Variants in CSMD1 observed in about 807,000 individuals in gnomAD.
The protein encoded by CSMD1 is CUB and sushi domain-containing protein 1.
CSMD1 carries 213 observed loss-of-function variants against 417.5 expected under a neutral mutation model. The observed-to-expected ratio is 0.51, with a 90% CI of 0.46 to 0.57. The LOEUF is 0.57. Among genes scored for constraint, CSMD1 ranks in the 20% least tolerant of loss-of-function variants. The probability of loss-of-function intolerance (pLI) is 0.00; values close to 1 mark genes in which losing one functional copy is unlikely to be tolerated. For synonymous variants in CSMD1, 2,862 were observed against 1,736.8 expected (o/e 1.65, Z -16.11); for missense variants, 6,923 against 4,529.7 (o/e 1.53, Z -15.17).
intron 3 of CSMD1, among the ~76,000 whole-genome samples, chr8:4,197,751 T>C (rs1366281954): frequency 2.0e-5 from 3 of 152,074 alleles, no homozygotes; most frequent in Non-Finnish European, 4.4e-5. Flanking sequence ...TGGTGGTGCG[T>C]TCTTGTAATC....
At chr8:4,279,110 G>A (rs144535018) in intron 3 of CSMD1, among the ~76,000 whole-genome samples, 73 of 152,012 alleles carry the variant, frequency 4.8e-4, no homozygotes, top group African/African-American at 1.6e-3. Context: ...AACACCAACC[G>A]TATTAGCAAA....
chr8:4,749,790 C>T (rs997368835), intron 1 of CSMD1, among the ~76,000 whole-genome samples: 1 of 151,896 alleles, frequency 6.6e-6, no homozygotes, highest in Non-Finnish European at 1.5e-5. Context: ...AAGTCTGGGC[C>T]TGTATGACAC....
intron 1 of CSMD1, among the ~76,000 whole-genome samples, chr8:4,926,141 C>T (rs181254815): frequency 2.8e-4 from 43 of 152,128 alleles, no homozygotes; most frequent in African/African-American, 9.9e-4. Flanking sequence ...CATGAGGCTG[C>T]CATATCATAA....
intron 7 of CSMD1, among the ~76,000 whole-genome samples, chr8:3,618,593 T>A (rs1802260641): frequency 6.6e-6 from 1 of 152,108 alleles, no homozygotes; most frequent in Admixed American, 6.6e-5. Context: ...TCCAGCAAGT[T>A]TGGTGATAGC....
At chr8:3,024,139 G>A (rs1376948109) in intron 51 of CSMD1, among the ~76,000 whole-genome samples, 2 of 152,160 alleles carry the variant, frequency 1.3e-5, no homozygotes, top group Non-Finnish European at 1.5e-5. Flanking sequence ...TGTGGTGTGT[G>A]TGTGTGTGTA....
At chr8:4,183,044 T>C (rs1477341854) in intron 3 of CSMD1, among the ~76,000 whole-genome samples, 1 of 152,166 alleles carries the variant, frequency 6.6e-6, no homozygotes, top group Non-Finnish European at 1.5e-5. Flanking sequence ...CGTGATTGTG[T>C]TATATGCACA....
chr8:3,382,317 G>T (rs968727030), intron 18 of CSMD1, among the ~76,000 whole-genome samples: 2 of 146,744 alleles, frequency 1.4e-5, no homozygotes, highest in African/African-American at 2.5e-5. Flanking sequence ...TTGGGTTAGG[G>T]TTATTTATAT....
At position 3,983,019 on chromosome 8, in the gene CSMD1, C is replaced by T. The variant is rs540493126; in HGVS notation, c.818+14884G>A. Among the ~76,000 whole-genome samples, 119 of 152,172 alleles carry T rather than the reference C, an allele frequency of 7.8e-4. 1 individual carries two copies. In the Middle Eastern group the frequency reaches 0.01, roughly 13 times the overall value. On this transcript the variant is annotated intron_variant, in intron 5 of 69. Transcript: ENST00000635120. Reference sequence around the variant, plus strand: ...TAGTTAGTAGCCCAAGACAGCACAGCGGGATAAATCATGGGGCCGGGATCC... The same window carrying T: ...TAGTTAGTAGCCCAAGACAGCACAGTGGGATAAATCATGGGGCCGGGATCC...
At chr8:3,099,233 G>T (rs1815560230) in intron 46 of CSMD1, among the ~76,000 whole-genome samples, 1 of 152,076 alleles carries the variant, frequency 6.6e-6, no homozygotes, top group South Asian at 2.1e-4. Flanking sequence ...GAGGTCGTGG[G>T]AAGCATAAAT....
chr8:4,990,664 T>C (rs1811413315), intron 1 of CSMD1, among the ~76,000 whole-genome samples: 1 of 152,100 alleles, frequency 6.6e-6, no homozygotes, highest in Admixed American at 6.6e-5. Context: ...CGGCCCACTT[T>C]TTTATTGCTG....
intron 3 of CSMD1, among the ~76,000 whole-genome samples, chr8:4,046,160 TAC>T (rs1248190442): frequency 3.9e-5 from 6 of 152,240 alleles, no homozygotes; most frequent in Admixed American, 1.3e-4. Flanking sequence ...TAAATTTATA[TAC>T]ACACACAATT....
chr8:3,467,708 G>A (rs770735472), intron 12 of CSMD1, among the ~76,000 whole-genome samples: 1 of 152,046 alleles, frequency 6.6e-6, no homozygotes, highest in Non-Finnish European at 1.5e-5. Flanking sequence ...CACAGAGAGA[G>A]AGAGCAGCCA....
At chr8:4,080,291 T>C (rs968601721) in intron 3 of CSMD1, among the ~76,000 whole-genome samples, 3 of 152,180 alleles carry the variant, frequency 2.0e-5, no homozygotes, top group African/African-American at 7.2e-5. Context: ...ACACCACGGT[T>C]ACAGTGTACC....
intron 2 of CSMD1, among the ~76,000 whole-genome samples, chr8:4,452,098 A>G (rs1585099096): frequency 6.6e-6 from 1 of 152,230 alleles, no homozygotes; most frequent in East Asian, 1.9e-4. Flanking sequence ...TTAGAAATTT[A>G]GGGCAGTGTG....
At chr8:4,557,077 A>T (rs1262022387) in intron 2 of CSMD1, among the ~76,000 whole-genome samples, 1 of 152,204 alleles carries the variant, frequency 6.6e-6, no homozygotes, top group East Asian at 1.9e-4. Context: ...GTCATGAAAC[A>T]TACTTTATAA....
chr8:4,698,497 G>A (rs1192764814), intron 1 of CSMD1, among the ~76,000 whole-genome samples: 1 of 152,084 alleles, frequency 6.6e-6, no homozygotes, highest in Admixed American at 6.6e-5. Context: ...AACCAGCTCA[G>A]GTGTGTGTTA....
At chr8:4,450,172 G>A (rs746817666) in intron 2 of CSMD1, among the ~76,000 whole-genome samples, 8 of 152,162 alleles carry the variant, frequency 5.3e-5, no homozygotes, top group Non-Finnish European at 1.2e-4. Context: ...TATACGTAGA[G>A]TAAAACCGAA....
intron 25 of CSMD1, among the ~76,000 whole-genome samples, chr8:3,299,494 CTG>C (rs963789678): frequency 7.9e-5 from 12 of 152,220 alleles, no homozygotes; most frequent in African/African-American, 2.2e-4. Flanking sequence ...CTAAGGAACT[CTG>C]TGATATCAGA....
chr8:3,947,554 C>A (rs1350375973), intron 5 of CSMD1, among the ~76,000 whole-genome samples: 13 of 152,200 alleles, frequency 8.5e-5, no homozygotes, highest in Admixed American at 2.6e-4. Flanking sequence ...GGGAAAGCTC[C>A]TTATATTTGG....
Sources: gnomAD v4.1 joint callset for allele counts (sites outside exome capture counted in the v4.1 genomes callset) on GRCh38, gnomAD v4.1.1 for gene constraint, MANE v1.5 for transcripts, NCBI Gene and HGNC (gene_info 2026-07-23, HGNC 2026-07-21) for gene names.